MEG3: variants seen among roughly 807,000 people sequenced by gnomAD.
MEG3 encodes the protein maternally expressed 3.
chr14:100,829,290 G>A (rs2037334197), downstream of MEG3: 1 of 152,258 alleles, frequency 6.6e-6, no homozygotes, highest in South Asian at 2.1e-4. Flanking sequence ...GCAAACTGGA[G>A]TGTTTCCCTC....
exon 1 of MEG3, chr14:100,834,755 A>C (rs2037507933): frequency 2.2e-6 from 1 of 456,474 alleles, no homozygotes; most frequent in South Asian, 1.5e-5. Context: ...TCGCCAGGTG[A>C]GTGAATGAAA....
chr14:100,845,306 G>A lies in MEG3; in HGVS notation n.3046-152G>A, dbSNP rs2037884718. Among the ~76,000 whole-genome samples, 1 of 152,176 alleles carries A rather than the reference G, an allele frequency of 6.6e-6. No individual in the cohort carries two copies. Among genetic ancestry groups the A allele is most frequent in the South Asian group, 2.1e-4 (1 of 4,822 alleles). On this transcript the variant is annotated intron_variant and non_coding_transcript_variant, in intron 2 of 3. Transcript: ENST00000398461. The surrounding 1 kb of genome is among the most constrained non-coding windows in gnomAD (Gnocchi z 5.2). The stretch of plus-strand genomic sequence containing the variant: ...AGTGGAGTCAGGAGAGAAATGCGTG[G>A]CTTCTCCAATTCCACACTTGCTGGA...
chr14:100,834,801 C>T (rs1205503372), exon 1 of MEG3: 1 of 456,606 alleles, frequency 2.2e-6, no homozygotes, highest in Non-Finnish European at 4.4e-6. Flanking sequence ...CTAGCTGGGC[C>T]ATGCGAAGAG....
chr14:100,836,407 T>C, intron 2 of MEG3: 1 of 432,444 alleles, frequency 2.3e-6, no homozygotes, highest in East Asian at 7.1e-5. Flanking sequence ...GGAGGCACCC[T>C]GCCAAGGTGA....
downstream of MEG3, chr14:100,832,736 A>G (rs529196757): frequency 1.2e-4 from 19 of 152,686 alleles, no homozygotes; most frequent in South Asian, 3.9e-3. Flanking sequence ...CTTCTCATTT[A>G]AGTCTTTGCC....
Position 100,845,741 on chromosome 14 carries a change from T to G in MEG3, n.3121+208T>G, listed in dbSNP as rs749729485. On this transcript the variant is annotated intron_variant and non_coding_transcript_variant, in intron 3 of 3. Transcript: ENST00000398461. This position sits in a 1 kb window ranked among gnomAD's most constrained non-coding sequence, Gnocchi z 5.2. ...TCTAAGACAGGAGCCCCCTGCCTCCTTGTGTTGTCTCTGTGGCAAAAGAAT... is the reference window on the plus strand; with the variant it reads ...TCTAAGACAGGAGCCCCCTGCCTCCGTGTGTTGTCTCTGTGGCAAAAGAAT... 1.3e-5 allele frequency: 3 copies of G among 228,778 alleles called. No homozygotes were observed. The highest frequency in any genetic ancestry group is 2.7e-5 in the Non-Finnish European group (3 of 111,376). The allele number at this position is 228,778 out of a possible 1,614,324, so 14.2% of individuals were successfully genotyped here. A position where few individuals can be genotyped will look rare whatever the true frequency, so the allele number is the denominator to read the frequency against.
At chr14:100,838,565 C>A (rs112148800) in intron 2 of MEG3, among the ~76,000 whole-genome samples, 6 of 152,164 alleles carry the variant, frequency 3.9e-5, no homozygotes, top group Non-Finnish European at 7.3e-5. Flanking sequence ...TGAGCCATAG[C>A]GGGTGGAGAT....
At chr14:100,849,969 G>GT (rs2038020244) in intron 3 of MEG3, 1 of 152,192 alleles carries the variant, frequency 6.6e-6, no homozygotes, top group Non-Finnish European at 1.5e-5. Flanking sequence ...AAACAAGGCT[G>GT]TATCTTCTGC....
intron 2 of MEG3, among the ~76,000 whole-genome samples, chr14:100,841,091 G>T (rs1164849163): frequency 1.3e-5 from 2 of 152,218 alleles, no homozygotes; most frequent in Non-Finnish European, 2.9e-5. Context: ...CGAGAGAGGG[G>T]ACGCTTCAGG....
intron 2 of MEG3, among the ~76,000 whole-genome samples, chr14:100,843,678 A>G (rs1487885440): frequency 6.6e-6 from 1 of 151,992 alleles, no homozygotes; most frequent in African/African-American, 2.4e-5. Flanking sequence ...TGGAGACATG[A>G]CTAGGAATAG....
exon 1 of MEG3, chr14:100,857,683 G>C (rs975220346): frequency 1.3e-5 from 2 of 152,214 alleles, no homozygotes; most frequent in Middle Eastern, 3.2e-3. Context: ...GTGGGCTGCT[G>C]CTTCTCCCCA....
At chr14:100,836,138 A>G (rs1432867508) in intron 1 of MEG3, 3 of 428,474 alleles carry the variant, frequency 7.0e-6, no homozygotes, top group Admixed American at 5.9e-5. Context: ...TTGCCTTGCC[A>G]TGATTCTAAC....
At chr14:100,828,689 C>G (rs886491349) in intron 1 of MEG3, 2 of 151,432 alleles carry the variant, frequency 1.3e-5, no homozygotes, top group African/African-American at 4.9e-5. Context: ...TTCTAACCTG[C>G]CCCCCTCCCA....
intron 3 of MEG3, chr14:100,849,030 G>C (rs904412907): frequency 6.6e-6 from 1 of 152,156 alleles, no homozygotes; most frequent in Non-Finnish European, 1.5e-5. Context: ...GAATGAGAAT[G>C]GATGATTTTC....
chr14:100,850,416 T>G (rs1385882350), intron 3 of MEG3: 2 of 152,090 alleles, frequency 1.3e-5, no homozygotes, highest in African/African-American at 4.8e-5. Context: ...CTGGCCAACA[T>G]GGTGAAATTC....
intron 2 of MEG3, among the ~76,000 whole-genome samples, chr14:100,840,100 C>T (rs1256745163): frequency 6.6e-6 from 1 of 152,198 alleles, no homozygotes; most frequent in Admixed American, 6.5e-5. Flanking sequence ...GGCCTCCCAA[C>T]ATGAGGGACT....
At chr14:100,830,550 C>G (rs2139939700), downstream of MEG3, 1 of 152,298 alleles carries the variant, frequency 6.6e-6, no homozygotes, top group South Asian at 2.1e-4. Flanking sequence ...GAACAGCACT[C>G]AGTAGGTGCT....
At chr14:100,829,768 C>T (rs2037346120), downstream of MEG3, 1 of 152,170 alleles carries the variant, frequency 6.6e-6, no homozygotes, top group Admixed American at 6.5e-5. Flanking sequence ...TTTGCAGAGA[C>T]CATCGACGGG....
In MEG3 at chr14:100,837,091, G is replaced by A. The variant is rs79160867; in HGVS notation, n.3045+791G>A. On this transcript the variant is annotated intron_variant and non_coding_transcript_variant, in intron 2 of 3. Coordinates refer to the MEG3 transcript ENST00000398461. The surrounding 1 kb of genome is among the most constrained non-coding windows in gnomAD (Gnocchi z 5.8). The stretch of plus-strand genomic sequence containing the variant: ...CTGGGCTTTGCACTAAGGACCAGAG[G>A]GTCTACTTGGGTGCCGTGGAGCACC... 0.012 allele frequency among the ~76,000 whole-genome samples: 1,894 copies of A among 152,316 alleles called. 18 individuals carry two copies. The highest frequency in any genetic ancestry group is 0.034 in the Middle Eastern group (10 of 294).
Sources: gnomAD v4.1 joint callset for allele counts (sites outside exome capture counted in the v4.1 genomes callset) on GRCh38, gnomAD v4.1.1 for gene constraint, Gnocchi (gnomAD v3.1) non-coding constraint, MANE v1.5 for transcripts, NCBI Gene and HGNC (gene_info 2026-07-23, HGNC 2026-07-21) for gene names.